Variants in ERF observed in about 807,000 individuals in gnomAD.
ERF encodes the protein ETS domain-containing transcription factor ERF.
A neutral mutation model predicts 41.6 loss-of-function variants in ERF; 10 were observed. The ratio of observed to expected loss-of-function variants is 0.24; its 90% CI spans 0.15 to 0.41. ERF has a LOEUF of 0.41. Among genes scored for constraint, ERF ranks in the 10% least tolerant of loss-of-function variants. The pLI, the probability that ERF is intolerant of heterozygous loss-of-function variation, is 1.00. For synonymous variants in ERF, 395 were observed against 342.4 expected, an observed-to-expected ratio of 1.15 and a Z score of -1.70; for missense variants, 621 against 763.2, an observed-to-expected ratio of 0.81 and a Z score of 2.19.
At position 42,249,608 on chromosome 19, in the gene ERF, A is replaced by T; in HGVS notation, c.504T>A (p.Ser168=). ...CCACAGCCGAGAAGAGGGAAGATGA[A>T]GATGAAGAGCAGGCTGGTGGTGAGC... is the stretch of plus-strand genomic sequence containing the variant. ...DPRSPPACSS[S]SSSLFSAVVA... Residue 168 remains serine, a synonymous_variant, in exon 4 of 4, where the codon TCT becomes TCA. Coordinates refer to ENST00000222329, the MANE Select transcript of ERF (RefSeq NM_006494.4). The surrounding 1 kb of genome is among the most constrained non-coding windows in gnomAD (Gnocchi z 8.6). 1 of 1,613,610 alleles carries T rather than the reference A, an allele frequency of 6.2e-7. No homozygotes were observed. Among genetic ancestry groups the T allele is most frequent in the Non-Finnish European group, 8.5e-7 (1 of 1,179,886 alleles).
In ERF at chr19:42,248,489, G is replaced by T. The variant is rs2146947217; in HGVS notation, c.1623C>A (p.Leu541=). The change falls in exon 4 of 4, where the codon CTC becomes CTA. Residue 541 remains leucine (L), a synonymous_variant. Transcript: ENST00000222329. The surrounding 1 kb of genome is among the most constrained non-coding windows in gnomAD (Gnocchi z 4.2). ...CTCAGGAGTCTCGGTGCTCCAGGGA[G>T]AGCTGGGCCGTGGCATGCTGGAGGT... ...SSDLQHATAQ[L]SLEHRDS is the part of the protein sequence containing the mutation. 1.7e-5 allele frequency: 26 copies of T among 1,509,638 alleles called. No individual in the cohort carries two copies. Among genetic ancestry groups the T allele is most frequent in the Non-Finnish European group, 2.3e-5 (26 of 1,130,554 alleles). The allele number at this position is 1,509,638 out of a possible 1,614,324, so 93.5% of individuals were successfully genotyped here.
At position 42,248,665 on chromosome 19, in the gene ERF, G is replaced by A; in HGVS notation, c.1447C>T (p.Arg483Cys). 1.2e-6 allele frequency: 2 copies of A among 1,604,570 alleles called. No individual in the cohort carries two copies. Among genetic ancestry groups the A allele is most frequent in the Non-Finnish European group, 1.7e-6 (2 of 1,173,238 alleles). Residue 483 changes from arginine to cysteine, a missense_variant, in exon 4 of 4, where the codon CGC becomes TGC. Physicochemically the swap from Arg to Cys is radical, Grantham distance 180. Coordinates refer to ENST00000222329, the MANE Select transcript of ERF (RefSeq NM_006494.4). The surrounding 1 kb of genome is among the most constrained non-coding windows in gnomAD (Gnocchi z 4.2). ...GASQCMPLKL[R>C]FKRRWSEDCR... The stretch of plus-strand genomic sequence containing the variant: ...TCTTCACTCCAGCGCCGCTTAAAGC[G>A]TAGCTTGAGGGGCATGCACTGGGAT...
chr19:42,253,662 C>A (rs1272531430), intron 1 of ERF, among the ~76,000 whole-genome samples: 1 of 151,962 alleles, frequency 6.6e-6, no homozygotes, highest in Non-Finnish European at 1.5e-5. Flanking sequence ...CACTCCGCAC[C>A]CCGGCCCCAC....
rs1273455126 is a variant in ERF, at chr19:42,250,305, C to T, written c.257+26G>A. On this transcript the variant is annotated intron_variant, in intron 2 of 3. Transcript: ENST00000222329. This position sits in a 1 kb window ranked among gnomAD's most constrained non-coding sequence, Gnocchi z 5.1. ...ACCCCGGGGGGGCACTCCACATGTG[C>T]TCAGGGGTCCCCAGCCCGTCCTCAC... 2.5e-6 allele frequency: 4 copies of T among 1,609,468 alleles called. No homozygotes were observed. The highest frequency in any genetic ancestry group is 2.7e-5 in the African/African-American group (2 of 74,872).
At chr19:42,252,124 A>G (rs915979254) in intron 1 of ERF, among the ~76,000 whole-genome samples, 3 of 152,138 alleles carry the variant, frequency 2.0e-5, no homozygotes, top group African/African-American at 7.2e-5. Context: ...TCCAGATCAC[A>G]AGGTCTCCTG....
intron 1 of ERF, among the ~76,000 whole-genome samples, chr19:42,251,905 G>A (rs1316529536): frequency 6.6e-6 from 1 of 151,996 alleles, no homozygotes; most frequent in African/African-American, 2.4e-5. Flanking sequence ...AGCCCCCGGA[G>A]TCCCTGCCCC....
rs1019021724 is a variant in ERF, at chr19:42,250,271, G to A, written c.257+60C>T. Reference sequence around the variant, plus strand: ...CCAATGCTTGTTCCCACAGGCAAGGGGCTGTGCAACCCCGGGGGGGCACTC... The same window carrying A: ...CCAATGCTTGTTCCCACAGGCAAGGAGCTGTGCAACCCCGGGGGGGCACTC... On this transcript the variant is annotated intron_variant, in intron 2 of 3. Transcript: ENST00000222329. This position sits in a 1 kb window ranked among gnomAD's most constrained non-coding sequence, Gnocchi z 5.1. 4 of 1,567,438 alleles carry A rather than the reference G, an allele frequency of 2.6e-6. No individual in the cohort carries two copies. Among genetic ancestry groups the A allele is most frequent in the African/African-American group, 2.7e-5 (2 of 74,160 alleles).
intron 1 of ERF, chr19:42,254,663 A>C: frequency 4.3e-6 from 1 of 229,996 alleles, no homozygotes; most frequent in Non-Finnish European, 8.5e-6. Flanking sequence ...GTGCAACGTG[A>C]CAAGAGCGGA....
In ERF at chr19:42,247,879, C is replaced by T. The variant is rs2036354438; in HGVS notation, c.*586G>A. On this transcript the variant is annotated 3_prime_UTR_variant, in exon 4 of 4. Transcript: ENST00000222329. ...TTTGTGGCCCATGGGCGGCACCCCT[C>T]ACCCTCCTCCGCCCCCCACCCCCCA... 6.6e-6 allele frequency: 1 copy of T among 151,572 alleles called. No individual in the cohort carries two copies. Among genetic ancestry groups the T allele is most frequent in the Non-Finnish European group, 1.5e-5 (1 of 67,888 alleles). 9.4% of individuals were successfully genotyped at this position (151,572 alleles called of 1,614,324 possible). A position where few individuals can be genotyped will look rare whatever the true frequency, so the allele number is the denominator to read the frequency against.
chr19:42,250,451 AT>A lies in ERF; in HGVS notation c.136del (p.Ile46LeufsTer31). Reference sequence around the variant, plus strand: ...TTCCCCGTAGTCCCCCTGCCAGGCAATGACGCCCTGGTACTCCTCCTTCCGC... The same window carrying A: ...TTCCCCGTAGTCCCCCTGCCAGGCAAGACGCCCTGGTACTCCTCCTTCCGC... ...LLRKEEYQGVIAWQGDYGEFV... is the reference protein window; with the variant it reads ...LLRKEEYQGVXAWQGDYGEFV... On this transcript the variant is annotated frameshift_variant, in exon 2 of 4. Coordinates refer to ENST00000222329, the MANE Select transcript of ERF (RefSeq NM_006494.4). LOFTEE classifies it high-confidence loss of function. The surrounding 1 kb of genome is among the most constrained non-coding windows in gnomAD (Gnocchi z 5.1). 1 of 1,613,572 alleles carries A rather than the reference AT, an allele frequency of 6.2e-7. No individual in the cohort carries two copies. Among genetic ancestry groups the A allele is most frequent in the Non-Finnish European group, 8.5e-7 (1 of 1,180,028 alleles).
chr19:42,252,390 G>C (rs376538162), intron 1 of ERF, among the ~76,000 whole-genome samples: 3 of 120,796 alleles, frequency 2.5e-5, no homozygotes, highest in African/African-American at 6.1e-5. Context: ...CCCAGCCTCC[G>C]TGTCCCGGTA....
chr19:42,252,095 T>G (rs1401368890), intron 1 of ERF, among the ~76,000 whole-genome samples: 1 of 152,156 alleles, frequency 6.6e-6, no homozygotes, highest in East Asian at 1.9e-4. Context: ...CAACCCATTA[T>G]CCTCACCCTT....
rs1420254294 is a variant in ERF at position 42,255,106 on chromosome 19, G to A, written c.-107C>T. On this transcript the variant is annotated 5_prime_UTR_variant, in exon 1 of 4. Transcript: ENST00000222329. Reference sequence around the variant, plus strand: ...TCGGGCCGCCCTCGCCGCCTCACCCGGCCTCGCCTCTCAGAGCCTCTCCCC... The same window carrying A: ...TCGGGCCGCCCTCGCCGCCTCACCCAGCCTCGCCTCTCAGAGCCTCTCCCC... 16 of 1,035,540 alleles carry A rather than the reference G, an allele frequency of 1.5e-5. No homozygotes were observed. Among genetic ancestry groups the A allele is most frequent in the South Asian group, 4.4e-5 (1 of 22,578 alleles). The allele number at this position is 1,035,540 out of a possible 1,614,324, so 64.1% of individuals were successfully genotyped here. A position where few individuals can be genotyped will look rare whatever the true frequency, so the allele number is the denominator to read the frequency against.
intron 1 of ERF, among the ~76,000 whole-genome samples, chr19:42,253,122 AC>A (rs980051210): frequency 6.6e-6 from 1 of 151,758 alleles, no homozygotes; most frequent in Non-Finnish European, 1.5e-5. Context: ...ACTCCTGGGC[AC>A]CCCCCAACCT....
intron 1 of ERF, among the ~76,000 whole-genome samples, chr19:42,252,883 G>A (rs1198259933): frequency 6.6e-6 from 1 of 152,198 alleles, no homozygotes; most frequent in Admixed American, 6.5e-5. Context: ...CACCAGACCT[G>A]CACGGAGGAA....
chr19:42,254,665 A>C, intron 1 of ERF: 2 of 241,442 alleles, frequency 8.3e-6, no homozygotes, highest in Non-Finnish European at 1.6e-5. Flanking sequence ...GCAACGTGAC[A>C]AGAGCGGAGG....
rs781454700 is a variant in ERF, at chr19:42,248,780, A to G, written c.1332T>C (p.Ser444=). The change falls in exon 4 of 4, where the codon AGT becomes AGC. Residue 444 remains serine, a synonymous_variant. Coordinates refer to ENST00000222329, the MANE Select transcript of ERF (RefSeq NM_006494.4). This position sits in a 1 kb window ranked among gnomAD's most constrained non-coding sequence, Gnocchi z 4.2. The part of the protein sequence containing the change: ...ESEEVEVTDI[S]DEDEEDGEVF... ...CCTCCCCGTCTTCCTCATCCTCATC[A>G]CTGATGTCAGTCACCTCTACCTCCT... The G allele has an allele frequency of 6.2e-6, 10 of 1,612,980 alleles. No individual in the cohort carries two copies. The highest frequency in any genetic ancestry group is 1.7e-5 in the Admixed American group (1 of 59,978).
intron 1 of ERF, chr19:42,253,912 C>T: frequency 9.4e-7 from 1 of 1,059,820 alleles, no homozygotes; most frequent in Non-Finnish European, 1.1e-6. Context: ...GTTTGAACAG[C>T]GGCGCCCGGC....
At chr19:42,251,256 C>G in intron 1 of ERF, 1 of 986,166 alleles carries the variant, frequency 1.0e-6, no homozygotes, top group East Asian at 1.1e-4. Flanking sequence ...CATCCAGGCC[C>G]CACCTGGCTG....
Sources: gnomAD v4.1 joint callset for allele counts (sites outside exome capture counted in the v4.1 genomes callset) on GRCh38, gnomAD v4.1.1 for gene constraint, Gnocchi (gnomAD v3.1) non-coding constraint, MANE v1.5 for transcripts, NCBI Gene and HGNC (gene_info 2026-07-23, HGNC 2026-07-21) for gene names.